HECTD4: variants seen among roughly 807,000 people sequenced by gnomAD.
HECTD4 encodes probable E3 ubiquitin-protein ligase HECTD4.
In HECTD4, 114 loss-of-function variants were observed where a neutral mutation model predicts 471.5. The ratio of observed to expected loss-of-function variants is 0.24; its 90% CI spans 0.21 to 0.28. The LOEUF (loss-of-function observed/expected upper bound fraction) is 0.28, where lower values mean the gene tolerates loss of function less well. Ranked by LOEUF, HECTD4 falls within the 10% of genes least tolerant of loss-of-function variation. HECTD4 has a pLI of 1.00. For missense variants in HECTD4, 3,866 were observed against 5,651.5 expected (o/e 0.68, Z 10.13); for synonymous variants, 2,012 against 2,256.0 (o/e 0.89, Z 3.07).
intron 64 of HECTD4, among the ~76,000 whole-genome samples, chr12:112,176,971 T>C (rs2031473594): frequency 6.6e-6 from 1 of 152,224 alleles, no homozygotes; most frequent in Non-Finnish European, 1.5e-5. Context: ...AGCTACACTG[T>C]TCAATAAGGT....
intron 55 of HECTD4, among the ~76,000 whole-genome samples, chr12:112,196,800 T>A (rs1019079559): frequency 6.6e-6 from 1 of 151,910 alleles, no homozygotes; most frequent in South Asian, 2.1e-4. Context: ...CTCTCTCTCT[T>A]TTTTTTGTTT....
At chr12:112,310,091 G>A (rs188239362) in intron 4 of HECTD4, among the ~76,000 whole-genome samples, 2 of 152,260 alleles carry the variant, frequency 1.3e-5, no homozygotes, top group Admixed American at 1.3e-4. Context: ...AGCTCAGTAA[G>A]TGACCCTGAA....
chr12:112,359,747 C>A (rs567502458), intron 1 of HECTD4, among the ~76,000 whole-genome samples: 2 of 151,754 alleles, frequency 1.3e-5, no homozygotes, highest in African/African-American at 4.8e-5. Flanking sequence ...TAGACAAGAT[C>A]TCTGTCGTCA....
chr12:112,206,618 G>A (rs2032592357), intron 52 of HECTD4, among the ~76,000 whole-genome samples: 1 of 144,824 alleles, frequency 6.9e-6, no homozygotes, highest in Non-Finnish European at 1.5e-5. Flanking sequence ...ATCACTGCAA[G>A]CTCTGCCTCC....
chr12:112,261,137 A>G (rs1333102366), intron 18 of HECTD4, among the ~76,000 whole-genome samples, 168 bp downstream of exon 18: 1 of 152,186 alleles, frequency 6.6e-6, no homozygotes, highest in Non-Finnish European at 1.5e-5. Flanking sequence ...AAAGCACATG[A>G]AAGAGTGTGA....
chr12:112,273,072 T>G (rs1309144965), intron 11 of HECTD4, among the ~76,000 whole-genome samples: 15 of 152,160 alleles, frequency 9.9e-5, no homozygotes, highest in Admixed American at 7.9e-4. Flanking sequence ...AACTCTCAAT[T>G]TAGTGTATGC....
In HECTD4 at chr12:112,250,135, G is replaced by A; in HGVS notation, c.3950+9C>T. On this transcript the variant is annotated intron_variant, in intron 25 of 75. Coordinates refer to ENST00000682272, the MANE Select transcript of HECTD4 (RefSeq NM_001388303.1). ...ATTGGGAAAAGTAAAACACTACACA[G>A]CAACATACTTTATACTTGGTCTAAA... The A allele has an allele frequency of 6.3e-7, 1 of 1,593,320 alleles. No homozygotes were observed. Among genetic ancestry groups the A allele is most frequent in the East Asian group, 2.2e-5 (1 of 44,790 alleles).
chr12:112,228,941 G>C lies in HECTD4; in HGVS notation c.6520-130C>G, dbSNP rs1052213672. ...TACAGTAATAGTTTATACTACTAGGGTAGCAGATACCAAGCCCTAGACATG... is the reference window on the plus strand; with the variant it reads ...TACAGTAATAGTTTATACTACTAGGCTAGCAGATACCAAGCCCTAGACATG... On this transcript the variant is annotated intron_variant, in intron 41 of 75. Transcript: ENST00000682272. The surrounding 1 kb of genome is among the most constrained non-coding windows in gnomAD (Gnocchi z 4.9). 7 of 863,418 alleles carry C rather than the reference G, an allele frequency of 8.1e-6. No homozygotes were observed. The highest frequency in any genetic ancestry group is 1.3e-5 in the Non-Finnish European group (7 of 542,606). 53.5% of individuals were successfully genotyped at this position (863,418 alleles called of 1,614,324 possible).
At position 112,319,714 on chromosome 12, in the gene HECTD4, G is replaced by C. The variant is rs1002739468; in HGVS notation, c.206C>G (p.Ser69Trp). ...AGAGCGCAAACGTTCTGCTAATTCCGACGGGTTCTTGGTCTCAAAGGTTAA... is the reference window on the plus strand; with the variant it reads ...AGAGCGCAAACGTTCTGCTAATTCCCACGGGTTCTTGGTCTCAAAGGTTAA... ...EILTFETKNP[S>W]ELAERLRSVC... Residue 69 changes from serine to tryptophan, a missense_variant, in exon 2 of 76, where the codon TCG becomes TGG. Ser to Trp is a radical substitution (Grantham distance 177). Transcript: ENST00000682272. The surrounding 1 kb of genome is among the most constrained non-coding windows in gnomAD (Gnocchi z 5.3). The C allele has an allele frequency of 3.3e-5, 41 of 1,250,104 alleles. No individual in the cohort carries two copies. The highest frequency in any genetic ancestry group is 3.0e-4 in the Middle Eastern group (1 of 3,286). 77.4% of individuals were successfully genotyped at this position (1,250,104 alleles called of 1,614,324 possible).
intron 22 of HECTD4, among the ~76,000 whole-genome samples, chr12:112,253,690 C>T (rs535275435): frequency 6.6e-6 from 1 of 152,198 alleles, no homozygotes; most frequent in Non-Finnish European, 1.5e-5. Flanking sequence ...TAACTCAATA[C>T]TTTTACACTG....
At chr12:112,369,589 C>T (rs2036630753) in intron 1 of HECTD4, among the ~76,000 whole-genome samples, 1 of 152,090 alleles carries the variant, frequency 6.6e-6, no homozygotes, top group African/African-American at 2.4e-5. Context: ...AAGTGATCCA[C>T]CTGCCTCAGC....
At chr12:112,312,256 G>GT (rs1215306269) in intron 4 of HECTD4, among the ~76,000 whole-genome samples, 3 of 152,110 alleles carry the variant, frequency 2.0e-5, no homozygotes, top group African/African-American at 7.2e-5. Context: ...CATCAGTTAT[G>GT]TAAGATTTAA....
intron 1 of HECTD4, among the ~76,000 whole-genome samples, chr12:112,350,778 C>A (rs1456181536): frequency 6.6e-6 from 1 of 152,202 alleles, no homozygotes; most frequent in Non-Finnish European, 1.5e-5. Context: ...ATACAGCTTG[C>A]TCTGATTTAT....
intron 44 of HECTD4, among the ~76,000 whole-genome samples, chr12:112,222,778 G>A (rs1280955243): frequency 1.3e-5 from 2 of 152,200 alleles, no homozygotes; most frequent in South Asian, 2.1e-4. Context: ...TGGCTGCAGT[G>A]AGCCTTGATC....
In HECTD4 at chr12:112,206,222, G is replaced by T. The variant is rs71465832; in HGVS notation, c.8132-1599C>A. 5.3e-4 allele frequency among the ~76,000 whole-genome samples: 80 copies of T among 152,242 alleles called. No individual in the cohort carries two copies. The East Asian group carries it at 9.5e-3, about 18-fold the overall frequency. ...GTGAAAGGGCAGGTGTTGGTCAGGG[G>T]CAGTGGCTCACACCTGTAATCCCAG... On this transcript the variant is annotated intron_variant, in intron 52 of 75. Transcript: ENST00000682272.
chr12:112,310,329 G>A (rs1275151609), intron 4 of HECTD4, among the ~76,000 whole-genome samples: 1 of 152,104 alleles, frequency 6.6e-6, no homozygotes, highest in Non-Finnish European at 1.5e-5. Flanking sequence ...CCTAATTTTA[G>A]TCTCTGGAGG....
At chr12:112,378,380 G>A (rs529701678) in intron 1 of HECTD4, among the ~76,000 whole-genome samples, 10 of 144,134 alleles carry the variant, frequency 6.9e-5, no homozygotes, top group South Asian at 4.4e-4. Context: ...CACCACGCCC[G>A]GCTAATTTTT....
chr12:112,172,910 G>A (rs11066188), intron 66 of HECTD4, 49 bp from the exon 67 acceptor site: 540,832 of 1,503,978 alleles, frequency 0.36, 111,020 homozygotes, highest in Non-Finnish European at 0.42. Context: ...AGGGCACACC[G>A]GGATGACTGT....
chr12:112,313,291 T>C (rs1464039647), intron 3 of HECTD4, 144 bp from the exon 4 acceptor site: 2 of 493,728 alleles, frequency 4.1e-6, no homozygotes, highest in African/African-American at 4.0e-5. Context: ...AAAAAAGACA[T>C]TTATAGTATT....
Sources: allele counts gnomAD v4.1 joint callset (sites outside exome capture counted in the v4.1 genomes callset), GRCh38; gene constraint gnomAD v4.1.1; non-coding constraint Gnocchi (gnomAD v3.1); transcripts MANE v1.5; gene names NCBI Gene and HGNC (gene_info 2026-07-23, HGNC 2026-07-21).